Variants in NRXN3 observed in about 807,000 individuals in gnomAD.
NRXN3 encodes the protein neurexin III.
In NRXN3, 32 loss-of-function variants were observed where a neutral mutation model predicts 137.6. That is an observed-to-expected ratio of 0.23 (90% CI 0.18 to 0.31). The LOEUF (loss-of-function observed/expected upper bound fraction) is 0.31. Among genes scored for constraint, NRXN3 ranks in the 10% least tolerant of loss-of-function variants. NRXN3 has a pLI of 1.00. For missense variants in NRXN3, 1,574 were observed against 2,062.5 expected, an observed-to-expected ratio of 0.76 and a Z score of 4.59; for synonymous variants, 798 against 784.5, an observed-to-expected ratio of 1.02 and a Z score of -0.29.
chr14:79,308,896 TTTTA>T (rs1566751405), intron 15 of NRXN3, among the ~76,000 whole-genome samples: 12 of 145,814 alleles, frequency 8.2e-5, no homozygotes, highest in African/African-American at 3.0e-4. Flanking sequence ...TTTTATTTTT[TTTTA>T]TTTTATTTAT....
In NRXN3 at chr14:78,980,317, C is replaced by A. The variant is rs1449898840; in HGVS notation, c.3143-7705C>A. ...CCTCTGCCTGCTGCACCCTACATTT[C>A]TCCACCCACTTCTTGTCTGGCTAGA... On this transcript the variant is annotated intron_variant, in intron 14 of 20. Transcript: ENST00000335750. Among the ~76,000 whole-genome samples, 5 of 152,188 alleles carry A rather than the reference C, an allele frequency of 3.3e-5. No individual in the cohort carries two copies. The East Asian group carries it at 9.6e-4, about 29-fold the overall frequency.
chr14:78,501,951 G>C (rs998646142), intron 4 of NRXN3, among the ~76,000 whole-genome samples: 2 of 152,100 alleles, frequency 1.3e-5, no homozygotes, highest in African/African-American at 4.8e-5. Flanking sequence ...CCCCCCCAGG[G>C]TCTGTTCTAC....
At chr14:78,899,748 A>T (rs1451109297) in intron 10 of NRXN3, among the ~76,000 whole-genome samples, 6 of 151,200 alleles carry the variant, frequency 4.0e-5, no homozygotes, top group Admixed American at 4.0e-4. Context: ...TTGTGAACTT[A>T]AAAAAAATCT....
At chr14:78,548,829 G>T (rs950810407) in intron 4 of NRXN3, among the ~76,000 whole-genome samples, 3 of 152,086 alleles carry the variant, frequency 2.0e-5, no homozygotes, top group Admixed American at 6.5e-5. Flanking sequence ...CCAAGACCAG[G>T]TCCCTTCTCC....
chr14:79,757,638 A>G (rs953090350), intron 19 of NRXN3, among the ~76,000 whole-genome samples: 2 of 152,188 alleles, frequency 1.3e-5, no homozygotes, highest in East Asian at 1.9e-4. Context: ...TAGGTACAGC[A>G]TGATGCAGTG....
intron 4 of NRXN3, among the ~76,000 whole-genome samples, chr14:78,334,648 G>A (rs1218844421): frequency 6.6e-6 from 1 of 152,156 alleles, no homozygotes; most frequent in Non-Finnish European, 1.5e-5. Flanking sequence ...TTGAGAATGT[G>A]TATTTAAAAA....
At chr14:78,252,234 A>G (rs2068748115) in intron 2 of NRXN3, among the ~76,000 whole-genome samples, 1 of 152,018 alleles carries the variant, frequency 6.6e-6, no homozygotes, top group Admixed American at 6.6e-5. Context: ...ATCCAGAGAA[A>G]CTACCCAGTT....
intron 6 of NRXN3, among the ~76,000 whole-genome samples, chr14:78,658,721 A>G (rs948971090): frequency 1.3e-5 from 2 of 152,212 alleles, no homozygotes; most frequent in Non-Finnish European, 2.9e-5. Flanking sequence ...TAGAACACAC[A>G]TTATTGCTTT....
chr14:79,530,411 T>C (rs1177763319), intron 16 of NRXN3, among the ~76,000 whole-genome samples: 1 of 151,964 alleles, frequency 6.6e-6, no homozygotes, highest in African/African-American at 2.4e-5. Flanking sequence ...GGGGTGGCTA[T>C]GGGGATGGGT....
chr14:78,862,063 AC>A (rs2099073867), intron 10 of NRXN3, among the ~76,000 whole-genome samples: 1 of 152,146 alleles, frequency 6.6e-6, no homozygotes, highest in African/African-American at 2.4e-5. Context: ...TAAAACCTCT[AC>A]ATAAGGCAGT....
chr14:78,972,141 G>A (rs1169015749), intron 14 of NRXN3, among the ~76,000 whole-genome samples: 2 of 152,062 alleles, frequency 1.3e-5, no homozygotes, highest in Admixed American at 6.5e-5. Flanking sequence ...TTAATATGTG[G>A]CTGGTAAATG....
intron 19 of NRXN3, among the ~76,000 whole-genome samples, chr14:79,751,986 G>A (rs2098999471): frequency 6.6e-6 from 1 of 152,126 alleles, no homozygotes; most frequent in Non-Finnish European, 1.5e-5. Context: ...GTATTTTATT[G>A]AGGATTTTTG....
In NRXN3 at chr14:78,923,111, C is replaced by T. The variant is rs756289134; in HGVS notation, c.2276-34131C>T. 3.9e-5 allele frequency among the ~76,000 whole-genome samples: 6 copies of T among 152,150 alleles called. No individual in the cohort carries two copies. In the East Asian group the frequency reaches 1.2e-3, roughly 29 times the overall value. ...TCTGGACCCCTCTTTCTCTGAGGAT[C>T]TCTTCAAAGGAATAGCCTTTGGCCT... On this transcript the variant is annotated intron_variant, in intron 10 of 20. Coordinates refer to ENST00000335750, the MANE Select transcript of NRXN3 (RefSeq NM_001330195.2).
intron 15 of NRXN3, among the ~76,000 whole-genome samples, chr14:79,091,774 G>T (rs1040699399): frequency 1.3e-5 from 2 of 152,054 alleles, no homozygotes; most frequent in African/African-American, 4.8e-5. Flanking sequence ...ACATTCTGAA[G>T]TAAGGTGGCA....
Position 79,647,175 on chromosome 14 carries a change from T to C in NRXN3, c.3445-16603T>C, listed in dbSNP as rs1331817698. 1.5e-5 allele frequency among the ~76,000 whole-genome samples: 2 copies of C among 136,152 alleles called. 1 individual carries two copies. The highest frequency in any genetic ancestry group is 3.4e-5 in the Non-Finnish European group (2 of 58,534). 89.3% of individuals were successfully genotyped at this position (136,152 alleles called of 152,430 possible). ...CAACATGGTAGAGTGGCAATTTTGT[T>C]TTTCTGGCTCTTATATTGCAATGAA... is the stretch of plus-strand genomic sequence containing the variant. On this transcript the variant is annotated intron_variant, in intron 16 of 20. Coordinates refer to ENST00000335750, the MANE Select transcript of NRXN3 (RefSeq NM_001330195.2).
intron 16 of NRXN3, among the ~76,000 whole-genome samples, chr14:79,639,475 GT>G (rs377402308): frequency 1.9e-4 from 27 of 145,448 alleles, no homozygotes; most frequent in Admixed American, 4.1e-4. Context: ...ATGTGGCTTT[GT>G]TTTTTTTTTC....
At chr14:79,794,564 G>A (rs536485610) in intron 19 of NRXN3, among the ~76,000 whole-genome samples, 4 of 152,248 alleles carry the variant, frequency 2.6e-5, no homozygotes, top group African/African-American at 9.6e-5. Flanking sequence ...TTCAAAGGGA[G>A]AGCATGAGCT....
At chr14:78,902,244 TC>T (rs1311327317) in intron 10 of NRXN3, among the ~76,000 whole-genome samples, 1 of 152,106 alleles carries the variant, frequency 6.6e-6, no homozygotes, top group Non-Finnish European at 1.5e-5. Flanking sequence ...TAGACACGCC[TC>T]ACTTTCTGTG....
chr14:78,531,504 A>G lies in NRXN3; in HGVS notation c.758-113616A>G, dbSNP rs146834912. On this transcript the variant is annotated intron_variant, in intron 4 of 20. Coordinates refer to ENST00000335750, the MANE Select transcript of NRXN3 (RefSeq NM_001330195.2). The stretch of plus-strand genomic sequence containing the variant: ...AAACCTTGGCCTGAGAGAGAATTCA[A>G]GTTTTACCCAGAAGTATCTACATTT... Among the ~76,000 whole-genome samples, 820 of 152,336 alleles carry G rather than the reference A, an allele frequency of 5.4e-3. 10 individuals carry two copies. Among genetic ancestry groups the G allele is most frequent in the African/African-American group, 0.019 (780 of 41,586 alleles).
Sources: allele counts gnomAD v4.1 joint callset (sites outside exome capture counted in the v4.1 genomes callset), GRCh38; gene constraint gnomAD v4.1.1; transcripts MANE v1.5; gene names NCBI Gene and HGNC (gene_info 2026-07-23, HGNC 2026-07-21).